BRD10: variants seen among roughly 807,000 people sequenced by gnomAD.
BRD10 encodes uncharacterized bromodomain-containing protein 10.
chr9:5,976,760 T>C, the BRD10 span, among the ~76,000 whole-genome samples: 4 of 146,652 alleles, frequency 2.7e-5, no homozygotes, highest in African/African-American at 1.0e-4. Flanking sequence ...CAACACTAAG[T>C]AGGGAAAGGA....
the BRD10 span, among the ~76,000 whole-genome samples, chr9:5,984,535 C>A: frequency 6.6e-6 from 1 of 151,886 alleles, no homozygotes; most frequent in East Asian, 1.9e-4. Flanking sequence ...TAAAAAGGGA[C>A]ATAATAAGAA....
the BRD10 span, among the ~76,000 whole-genome samples, chr9:5,984,964 A>G: frequency 1.3e-5 from 2 of 149,452 alleles, no homozygotes; most frequent in African/African-American, 4.9e-5. Flanking sequence ...AACGAATTTG[A>G]AAAAAAAAAC....
chr9:5,960,890 G>A, the BRD10 span, among the ~76,000 whole-genome samples: 355 of 152,244 alleles, frequency 2.3e-3, 2 homozygotes, highest in Middle Eastern at 0.014. Context: ...ATGCTACAGG[G>A]ACCTATTTAT....
the BRD10 span, among the ~76,000 whole-genome samples, chr9:5,908,416 T>C: frequency 6.4e-4 from 98 of 152,346 alleles, no homozygotes; most frequent in African/African-American, 2.3e-3. Context: ...TTTTGAGATT[T>C]TGGGAACTCC....
At chr9:5,930,674 A>G in the BRD10 span, among the ~76,000 whole-genome samples, 2 of 152,136 alleles carry the variant, frequency 1.3e-5, no homozygotes, top group Admixed American at 1.3e-4. Flanking sequence ...CAAAGAATTA[A>G]GAAAAAAAAT....
chr9:5,901,015 G>A, the BRD10 span, among the ~76,000 whole-genome samples: 1 of 152,074 alleles, frequency 6.6e-6, no homozygotes, highest in Non-Finnish European at 1.5e-5. Flanking sequence ...ATCTCTGGTG[G>A]TGGGATTCAG....
the BRD10 span, among the ~76,000 whole-genome samples, chr9:5,930,414 A>G: frequency 7.3e-6 from 1 of 136,362 alleles, no homozygotes; most frequent in East Asian, 2.0e-4. Context: ...ATTTGTCATG[A>G]AAATTTTAGT....
the BRD10 span, among the ~76,000 whole-genome samples, chr9:5,890,135 T>G: frequency 1.3e-5 from 2 of 152,204 alleles, no homozygotes; most frequent in African/African-American, 4.8e-5. Flanking sequence ...GAACCCAGTT[T>G]AGTTTGGATT....
chr9:5,941,438 C>T, the BRD10 span, among the ~76,000 whole-genome samples: 12 of 152,164 alleles, frequency 7.9e-5, no homozygotes, highest in African/African-American at 2.9e-4. Context: ...TGTCAAACTA[C>T]ATATTTATCT....
the BRD10 span, among the ~76,000 whole-genome samples, chr9:5,933,374 A>G: frequency 6.6e-5 from 10 of 152,316 alleles, no homozygotes; most frequent in East Asian, 1.9e-4. Context: ...TGAATCAACA[A>G]AAGTATGAAT....
chr9:5,925,084 C>A, the BRD10 span, among the ~76,000 whole-genome samples: 3 of 152,032 alleles, frequency 2.0e-5, no homozygotes, highest in Non-Finnish European at 1.5e-5. Flanking sequence ...TCTGGCCAGG[C>A]ATGGTGGCTC....
the BRD10 span, among the ~76,000 whole-genome samples, chr9:5,887,467 G>C: frequency 1.3e-5 from 2 of 152,244 alleles, no homozygotes; most frequent in East Asian, 3.9e-4. Context: ...ATGAGACCTG[G>C]GAACTTCACC....
chr9:5,886,777 C>T, the BRD10 span, among the ~76,000 whole-genome samples: 14 of 152,136 alleles, frequency 9.2e-5, no homozygotes, highest in East Asian at 3.9e-4. Context: ...AGGGGGCTTC[C>T]GGGAAACAGG....
At chr9:5,907,782 A>G in the BRD10 span, among the ~76,000 whole-genome samples, 1 of 152,074 alleles carries the variant, frequency 6.6e-6, no homozygotes, top group African/African-American at 2.4e-5. Context: ...GTGAAATCCT[A>G]TCTTTACTAA....
the BRD10 span, chr9:5,920,600 G>A: frequency 2.5e-6 from 4 of 1,613,950 alleles, no homozygotes; most frequent in Non-Finnish European, 3.4e-6. Flanking sequence ...GTTTACATTT[G>A]TTGGCACTGT....
chr9:6,008,130 C>T, the BRD10 span: 2 of 984,038 alleles, frequency 2.0e-6, no homozygotes, highest in South Asian at 9.4e-5. Context: ...TGCCGGGTCG[C>T]CGCGGCCTCG....
the BRD10 span, chr9:5,906,893 T>C: frequency 6.3e-7 from 1 of 1,578,192 alleles, no homozygotes; most frequent in Non-Finnish European, 8.6e-7. Context: ...AGGATAAAAG[T>C]CTTCATGTTG....
At chr9:5,996,191 T>G in the BRD10 span, among the ~76,000 whole-genome samples, 1 of 152,122 alleles carries the variant, frequency 6.6e-6, no homozygotes, top group Non-Finnish European at 1.5e-5. Flanking sequence ...ATGTATTTAT[T>G]CCTCTCCAGA....
the BRD10 span, among the ~76,000 whole-genome samples, chr9:5,973,851 T>C: frequency 1.3e-5 from 2 of 151,998 alleles, no homozygotes; most frequent in African/African-American, 2.4e-5. Context: ...CATGGCACTC[T>C]AGCCTGGGCA....
Sources: gnomAD v4.1 joint callset for allele counts (sites outside exome capture counted in the v4.1 genomes callset) on GRCh38, gnomAD v4.1.1 for gene constraint, MANE v1.5 for transcripts, NCBI Gene and HGNC (gene_info 2026-07-23, HGNC 2026-07-21) for gene names.